The following NSD1 variants were observed in gnomAD, a reference collection of about 807,000 sequenced individuals.
The protein encoded by NSD1 is nuclear receptor binding SET domain protein 1.
NSD1 carries 26 observed loss-of-function variants against 242.7 expected under a neutral mutation model. The observed-to-expected ratio is 0.11, with a 90% CI of 0.08 to 0.15. The LOEUF (loss-of-function observed/expected upper bound fraction) is 0.15. Among genes scored for constraint, NSD1 ranks in the 10% least tolerant of loss-of-function variants. NSD1 has a pLI of 1.00. For synonymous variants in NSD1, 1,106 were observed against 1,178.1 expected, an observed-to-expected ratio of 0.94 and a Z score of 1.25; for missense variants, 2,495 against 3,272.8, an observed-to-expected ratio of 0.76 and a Z score of 5.80.
At chr5:177,174,457 C>T (rs1487060221) in intron 2 of NSD1, among the ~76,000 whole-genome samples, 2 of 152,048 alleles carry the variant, frequency 1.3e-5, no homozygotes, top group African/African-American at 4.8e-5. Context: ...AGATGATCGC[C>T]TCCCACCTTG....
chr5:177,283,781 T>C lies in NSD1; in HGVS notation c.6010-6T>C. ...GTCTGATGTGTAGCTTCTTTTGGAA[T>C]TCTAGGACCGAATCATTGATGCTGG... On this transcript the variant is annotated splice_polypyrimidine_tract_variant and splice_region_variant and intron_variant, in intron 19 of 22. Transcript: ENST00000439151. 1 of 1,614,104 alleles carries C rather than the reference T, an allele frequency of 6.2e-7. No individual in the cohort carries two copies. The highest frequency in any genetic ancestry group is 8.5e-7 in the Non-Finnish European group (1 of 1,179,978).
At chr5:177,274,122 C>G (rs1758162931) in intron 17 of NSD1, among the ~76,000 whole-genome samples, 1 of 151,994 alleles carries the variant, frequency 6.6e-6, no homozygotes. Flanking sequence ...CCACTACACT[C>G]AAGCCTGGGC....
At chr5:177,139,890 G>A (rs1756666073) in intron 2 of NSD1, among the ~76,000 whole-genome samples, 1 of 150,612 alleles carries the variant, frequency 6.6e-6, no homozygotes, top group Non-Finnish European at 1.5e-5. Flanking sequence ...ACTGCAGTGA[G>A]CCATGATCAT....
chr5:177,223,598 C>G (rs1003124863), intron 5 of NSD1, among the ~76,000 whole-genome samples: 1 of 152,006 alleles, frequency 6.6e-6, no homozygotes, highest in African/African-American at 2.4e-5. Flanking sequence ...GAGACAGCCA[C>G]CACGCCCAGC....
rs528955097 is a variant in NSD1, at chr5:177,154,972, A to T, written c.927+18942A>T. 9.3e-5 allele frequency among the ~76,000 whole-genome samples: 14 copies of T among 150,996 alleles called. No homozygotes were observed. The East Asian group carries it at 2.7e-3, about 29-fold the overall frequency. ...CAGCCTCCCAAAGTGCTGGGATTACAGGCGTGAGGCACCGTGCCCGGCAAT... is the reference window on the plus strand; with the variant it reads ...CAGCCTCCCAAAGTGCTGGGATTACTGGCGTGAGGCACCGTGCCCGGCAAT... On this transcript the variant is annotated intron_variant, in intron 2 of 22. Transcript: ENST00000439151.
chr5:177,237,708 A>G (rs922567894), intron 6 of NSD1, among the ~76,000 whole-genome samples: 2 of 151,528 alleles, frequency 1.3e-5, no homozygotes, highest in Non-Finnish European at 2.9e-5. Flanking sequence ...AATTTTTTGC[A>G]TTTTTAGGTA....
chr5:177,230,005 A>T (rs1764936272), intron 5 of NSD1: 1 of 158,622 alleles, frequency 6.3e-6, no homozygotes, highest in Non-Finnish European at 1.4e-5. Flanking sequence ...CAGCCTCCCA[A>T]AGTGCTGAGA....
chr5:177,262,261 T>G (rs1757054165), intron 14 of NSD1, among the ~76,000 whole-genome samples: 1 of 152,212 alleles, frequency 6.6e-6, no homozygotes, highest in African/African-American at 2.4e-5. Context: ...GCAAGATGAC[T>G]TCCTTCAAGA....
intron 5 of NSD1, among the ~76,000 whole-genome samples, chr5:177,222,285 C>T (rs1440604170): frequency 2.6e-5 from 4 of 152,136 alleles, no homozygotes; most frequent in Admixed American, 6.6e-5. Context: ...CGCACCACCA[C>T]GCCCAGCTAA....
chr5:177,162,380 G>A (rs1758830135), intron 2 of NSD1, among the ~76,000 whole-genome samples: 2 of 147,398 alleles, frequency 1.4e-5, no homozygotes, highest in Non-Finnish European at 3.0e-5. Flanking sequence ...TAACCAGGCT[G>A]GAAGTCATTA....
intron 2 of NSD1, among the ~76,000 whole-genome samples, chr5:177,149,660 A>G (rs1167843188): frequency 6.6e-6 from 1 of 152,124 alleles, no homozygotes; most frequent in East Asian, 1.9e-4. Context: ...ATTATCACGC[A>G]TTAGTTAGAA....
intron 12 of NSD1, among the ~76,000 whole-genome samples, chr5:177,255,520 A>G (rs1057384804): frequency 1.3e-5 from 2 of 151,954 alleles, no homozygotes; most frequent in African/African-American, 4.8e-5. Flanking sequence ...TCTTTTTCTT[A>G]TGTTGTACTG....
chr5:177,170,865 C>T (rs1369843202), intron 2 of NSD1, among the ~76,000 whole-genome samples: 28 of 151,990 alleles, frequency 1.8e-4, no homozygotes, highest in Admixed American at 1.8e-3. Context: ...CTTTCTCTCC[C>T]TTTGAATTTG....
intron 2 of NSD1, among the ~76,000 whole-genome samples, chr5:177,156,786 A>G (rs999858337): frequency 2.0e-5 from 3 of 152,112 alleles, no homozygotes; most frequent in Non-Finnish European, 4.4e-5. Flanking sequence ...TAATCCCAGC[A>G]CTTTGGGAGG....
At chr5:177,230,717 C>T (rs954466627) in intron 5 of NSD1, among the ~76,000 whole-genome samples, 1 of 151,642 alleles carries the variant, frequency 6.6e-6, no homozygotes, top group Non-Finnish European at 1.5e-5. Context: ...GTCCCAGCTA[C>T]TCGGGAGACT....
chr5:177,182,836 C>T (rs1760805091), intron 2 of NSD1, among the ~76,000 whole-genome samples: 1 of 152,122 alleles, frequency 6.6e-6, no homozygotes, highest in Admixed American at 6.6e-5. Flanking sequence ...CAGGGTTTCA[C>T]CACGTTAGTC....
chr5:177,231,274 G>A (rs929102919), intron 5 of NSD1, among the ~76,000 whole-genome samples: 4 of 151,726 alleles, frequency 2.6e-5, no homozygotes, highest in South Asian at 2.1e-4. Context: ...TTGTAGGGAC[G>A]AGGTCTCGCC....
At chr5:177,267,127 G>A (rs1469935174) in intron 14 of NSD1, among the ~76,000 whole-genome samples, 1 of 152,126 alleles carries the variant, frequency 6.6e-6, no homozygotes, top group Admixed American at 6.5e-5. Context: ...CAAAGTGCTG[G>A]GATTACAGGC....
At chr5:177,281,478 A>G (rs1758876311) in intron 18 of NSD1, among the ~76,000 whole-genome samples, 3 of 151,992 alleles carry the variant, frequency 2.0e-5, no homozygotes, top group African/African-American at 4.8e-5. Context: ...TGTGCCAGGT[A>G]TTGTGCTGGG....
Sources: allele counts gnomAD v4.1 joint callset (sites outside exome capture counted in the v4.1 genomes callset), GRCh38; gene constraint gnomAD v4.1.1; transcripts MANE v1.5; gene names NCBI Gene and HGNC (gene_info 2026-07-23, HGNC 2026-07-21).